The following PARD3B variants were observed in gnomAD, a reference collection of about 807,000 sequenced individuals.
The protein encoded by PARD3B is par-3 family cell polarity regulator beta, also known as partitioning defective 3 homolog B.
In PARD3B, 103 loss-of-function variants were observed where a neutral mutation model predicts 130.2. The ratio of observed to expected loss-of-function variants is 0.79; its 90% CI spans 0.67 to 0.93. PARD3B has a LOEUF of 0.93. PARD3B is among the 40% of genes least tolerant of loss of function. The probability of loss-of-function intolerance (pLI) is 0.00; values close to 1 mark genes in which losing one functional copy is unlikely to be tolerated. For synonymous variants in PARD3B, 583 were observed against 553.2 expected (o/e 1.05, Z -0.76); for missense variants, 1,609 against 1,499.2 (o/e 1.07, Z -1.21).
At chr2:204,693,892 AG>A (rs1245437123) in intron 2 of PARD3B, among the ~76,000 whole-genome samples, 1 of 151,964 alleles carries the variant, frequency 6.6e-6, no homozygotes, top group Non-Finnish European at 1.5e-5. Flanking sequence ...CTCCATGAGG[AG>A]GGGGTCTTTG....
intron 1 of PARD3B, among the ~76,000 whole-genome samples, chr2:204,667,509 C>T (rs1322789540): frequency 3.3e-5 from 5 of 152,116 alleles, no homozygotes; most frequent in Non-Finnish European, 7.4e-5. Context: ...GACTTCTTTA[C>T]CTGGATCACT....
chr2:205,509,883 G>A (rs2050525584), intron 21 of PARD3B, among the ~76,000 whole-genome samples: 1 of 152,208 alleles, frequency 6.6e-6, no homozygotes, highest in African/African-American at 2.4e-5. Context: ...TCTGCCCTCT[G>A]TGGCCCAAGG....
Position 205,176,207 on chromosome 2 carries a change from C to G in PARD3B, c.1792-238C>G, listed in dbSNP as rs1331176825. The stretch of plus-strand genomic sequence containing the variant: ...GGAAAAGAGAATAATAAAGTTAATC[C>G]TCTTTTGTGTTGGCTATCAGCACTC... On this transcript the variant is annotated intron_variant, in intron 12 of 22. Transcript: ENST00000406610. This position sits in a 1 kb window ranked among gnomAD's most constrained non-coding sequence, Gnocchi z 5.3. Among the ~76,000 whole-genome samples the G allele has an allele frequency of 6.6e-6, 1 of 152,138 alleles. No individual in the cohort carries two copies. Among genetic ancestry groups the G allele is most frequent in the Non-Finnish European group, 1.5e-5 (1 of 68,028 alleles).
chr2:204,988,995 T>C (rs1465447259), intron 3 of PARD3B, among the ~76,000 whole-genome samples: 1 of 152,244 alleles, frequency 6.6e-6, no homozygotes, highest in Admixed American at 6.5e-5. Flanking sequence ...TTCTAGGCAC[T>C]GGGTGGTAAA....
chr2:205,006,681 T>A (rs112120017), intron 3 of PARD3B, among the ~76,000 whole-genome samples: 7,794 of 152,288 alleles, frequency 0.051, 223 homozygotes, highest in Middle Eastern at 0.092. Flanking sequence ...CTTGCTGATT[T>A]GTCTGAGTTC....
intron 2 of PARD3B, among the ~76,000 whole-genome samples, chr2:204,806,461 C>T (rs1340976139): frequency 6.6e-6 from 1 of 152,108 alleles, no homozygotes; most frequent in East Asian, 1.9e-4. Context: ...CTAGACCCCT[C>T]TCTCTTGCCA....
chr2:205,443,788 T>A lies in PARD3B; in HGVS notation c.3044+3116T>A, dbSNP rs566051118. On this transcript the variant is annotated intron_variant, in intron 20 of 22. Coordinates refer to ENST00000406610, the MANE Select transcript of PARD3B (RefSeq NM_001302769.2). ...AAAGCAGGCTGGGGTCAGTTTGTGA[T>A]TTAATGGGTTGTATCTTAGGCTGCT... is the stretch of plus-strand genomic sequence containing the variant. Among the ~76,000 whole-genome samples the A allele has an allele frequency of 5.9e-5, 9 of 152,168 alleles. No homozygotes were observed. The South Asian group carries it at 1.9e-3, about 32-fold the overall frequency.
chr2:204,875,684 G>C (rs1223460971), intron 2 of PARD3B, among the ~76,000 whole-genome samples: 1 of 152,204 alleles, frequency 6.6e-6, no homozygotes, highest in East Asian at 1.9e-4. Flanking sequence ...TGCACATGAA[G>C]TTTTTGTTCT....
chr2:205,224,319 G>A (rs1172402592), intron 15 of PARD3B, among the ~76,000 whole-genome samples: 6 of 117,546 alleles, frequency 5.1e-5, no homozygotes, highest in Middle Eastern at 7.7e-3. Context: ...TGCAGTGAGC[G>A]GAGACAGCAC....
intron 2 of PARD3B, among the ~76,000 whole-genome samples, chr2:204,822,246 A>C (rs2043389600): frequency 6.6e-6 from 1 of 152,224 alleles, no homozygotes; most frequent in Non-Finnish European, 1.5e-5. Flanking sequence ...AAATAGCAAG[A>C]GAACTAGAAT....
At chr2:204,791,686 TC>T (rs1402682210) in intron 2 of PARD3B, among the ~76,000 whole-genome samples, 1 of 152,228 alleles carries the variant, frequency 6.6e-6, no homozygotes. Flanking sequence ...ATTAAATTGT[TC>T]TTTTTGAATT....
intron 2 of PARD3B, among the ~76,000 whole-genome samples, chr2:204,817,758 C>G (rs1485402330): frequency 2.6e-5 from 4 of 152,056 alleles, no homozygotes; most frequent in African/African-American, 7.2e-5. Context: ...TTCACAATGG[C>G]TTTTTCTTCC....
At chr2:204,546,428 T>C (rs2029936334) in intron 1 of PARD3B, among the ~76,000 whole-genome samples, 1 of 152,122 alleles carries the variant, frequency 6.6e-6, no homozygotes, top group African/African-American at 2.4e-5. Flanking sequence ...CCCCAGGTGA[T>C]TGGAATGCCC....
At chr2:205,248,114 T>C (rs1220811635) in intron 16 of PARD3B, among the ~76,000 whole-genome samples, 1 of 151,424 alleles carries the variant, frequency 6.6e-6, no homozygotes, top group African/African-American at 2.4e-5. Flanking sequence ...TTTATTTTTA[T>C]TTTTTTTGTA....
intron 3 of PARD3B, among the ~76,000 whole-genome samples, chr2:204,974,627 A>G (rs1309323925): frequency 6.6e-6 from 1 of 152,238 alleles, no homozygotes; most frequent in Non-Finnish European, 1.5e-5. Context: ...GAGATCTGAA[A>G]GCATGAGGAA....
intron 15 of PARD3B, among the ~76,000 whole-genome samples, chr2:205,215,999 T>C (rs188415524): frequency 2.0e-3 from 297 of 152,148 alleles, no homozygotes; most frequent in Admixed American, 3.0e-3. Flanking sequence ...ACAATTATAG[T>C]AGTGTGTATG....
chr2:205,373,968 A>G (rs2044926631), intron 18 of PARD3B, among the ~76,000 whole-genome samples: 1 of 152,172 alleles, frequency 6.6e-6, no homozygotes, highest in Non-Finnish European at 1.5e-5. Context: ...TCTGTCTTCT[A>G]TAAACTTTCC....
In PARD3B at chr2:205,021,406, A is replaced by T. The variant is rs1166839924; in HGVS notation, c.395-26175A>T. 2.0e-5 allele frequency among the ~76,000 whole-genome samples: 3 copies of T among 152,146 alleles called. No homozygotes were observed. Among genetic ancestry groups the T allele is most frequent in the Non-Finnish European group, 4.4e-5 (3 of 68,030 alleles). Reference sequence around the variant, plus strand: ...TAGATTTTCCTGATTCTGGGCATGCATTGGGACCACAGGTTATGGTGGCTC... The same window carrying T: ...TAGATTTTCCTGATTCTGGGCATGCTTTGGGACCACAGGTTATGGTGGCTC... On this transcript the variant is annotated intron_variant, in intron 3 of 22. Transcript: ENST00000406610. This position sits in a 1 kb window ranked among gnomAD's most constrained non-coding sequence, Gnocchi z 4.5.
intron 4 of PARD3B, among the ~76,000 whole-genome samples, chr2:205,067,610 T>A (rs868474681): frequency 5.9e-5 from 9 of 152,210 alleles, no homozygotes; most frequent in Admixed American, 1.3e-4. Flanking sequence ...TGTTTTAAGT[T>A]GGAATTTAAG....
Sources: allele counts gnomAD v4.1 joint callset (sites outside exome capture counted in the v4.1 genomes callset), GRCh38; gene constraint gnomAD v4.1.1; non-coding constraint Gnocchi (gnomAD v3.1); transcripts MANE v1.5; gene names NCBI Gene and HGNC (gene_info 2026-07-23, HGNC 2026-07-21).